The following TENM4 variants were observed in gnomAD, a reference collection of about 807,000 sequenced individuals.
TENM4 encodes the protein teneurin-4.
Under a neutral mutation model 243.3 loss-of-function variants are expected in TENM4, and 82 were observed. The observed-to-expected ratio is 0.34, with a 90% CI of 0.28 to 0.40. The LOEUF is 0.40. Ranked by LOEUF, TENM4 falls within the 10% of genes least tolerant of loss-of-function variation. The pLI, the probability that TENM4 is intolerant of heterozygous loss-of-function variation, is 1.00. For missense variants in TENM4, 3,138 were observed against 3,673.3 expected, an observed-to-expected ratio of 0.85 and a Z score of 3.77; for synonymous variants, 1,412 against 1,456.3, an observed-to-expected ratio of 0.97 and a Z score of 0.69.
chr11:78,661,503 G>T lies in TENM4; in HGVS notation c.7497C>A (p.Pro2499=). ...YPKPDMDAME[P]SYELIHTQMK... ...TCTGTGTGTGGATGAGCTCGTAGGAGGGTTCCATGGCATCCATGTCTGGTT... is the reference window on the plus strand; with the variant it reads ...TCTGTGTGTGGATGAGCTCGTAGGATGGTTCCATGGCATCCATGTCTGGTT... Residue 2499 remains proline, a synonymous_variant, in exon 33 of 34, where the codon CCC becomes CCA. Coordinates refer to ENST00000278550, the MANE Select transcript of TENM4 (RefSeq NM_001098816.3). 6.2e-7 allele frequency: 1 copy of T among 1,612,328 alleles called. No individual in the cohort carries two copies. The highest frequency in any genetic ancestry group is 1.3e-5 in the African/African-American group (1 of 75,038).
rs531572060 is a variant in TENM4 at position 79,276,550 on chromosome 11, C to T, written c.-265+20938G>A. 6.6e-5 allele frequency among the ~76,000 whole-genome samples: 10 copies of T among 152,294 alleles called. No individual in the cohort carries two copies. The South Asian group carries it at 1.2e-3, about 19-fold the overall frequency. ...CATCCGGCATGCATCTTTCTCCTAG[C>T]GCAGGCCCAGCGCCCCCTGATGCCT... On this transcript the variant is annotated intron_variant, in intron 2 of 33. Transcript: ENST00000278550.
At chr11:78,683,472 G>A (rs1858571484) in intron 29 of TENM4, among the ~76,000 whole-genome samples, 1 of 71,886 alleles carries the variant, frequency 1.4e-5, no homozygotes, top group Non-Finnish European at 2.9e-5. Flanking sequence ...GTGGGATATA[G>A]TCTCGTGGTG....
chr11:78,804,065 T>C (rs1327740175), intron 15 of TENM4, among the ~76,000 whole-genome samples: 1 of 152,200 alleles, frequency 6.6e-6, no homozygotes, highest in African/African-American at 2.4e-5. Flanking sequence ...CCATCTTTCT[T>C]GGTCACAACC....
At chr11:79,140,052 T>C (rs1353067356) in intron 4 of TENM4, among the ~76,000 whole-genome samples, 2 of 151,532 alleles carry the variant, frequency 1.3e-5, no homozygotes, top group Non-Finnish European at 2.9e-5. Context: ...GGACACTCCT[T>C]GTCAGGGCAC....
intron 9 of TENM4, among the ~76,000 whole-genome samples, chr11:78,867,803 A>G (rs1859020612): frequency 6.6e-6 from 1 of 152,234 alleles, no homozygotes. Context: ...TCAGAGAAGT[A>G]AAGTAAGTTA....
At chr11:79,414,487 A>G (rs1858771106) in intron 1 of TENM4, among the ~76,000 whole-genome samples, 2 of 152,212 alleles carry the variant, frequency 1.3e-5, no homozygotes, top group Non-Finnish European at 2.9e-5. Flanking sequence ...ATGCCTTATT[A>G]CTGCCTATGC....
At chr11:78,723,684 C>T (rs753785911) in intron 23 of TENM4, among the ~76,000 whole-genome samples, 2 of 152,228 alleles carry the variant, frequency 1.3e-5, no homozygotes, top group Non-Finnish European at 2.9e-5. Flanking sequence ...TCTGGATCTT[C>T]CTTTTTCCTC....
chr11:79,080,589 C>T (rs1860642746), intron 4 of TENM4, among the ~76,000 whole-genome samples: 1 of 152,236 alleles, frequency 6.6e-6, no homozygotes, highest in Admixed American at 6.5e-5. Context: ...GTCCCCCCTG[C>T]ACCCCTTTCT....
chr11:79,356,598 C>A (rs1435688757), intron 1 of TENM4, among the ~76,000 whole-genome samples: 1 of 152,044 alleles, frequency 6.6e-6, no homozygotes, highest in Non-Finnish European at 1.5e-5. Flanking sequence ...AATAATTAGC[C>A]CTGTAATATC....
Position 78,862,655 on chromosome 11 carries a change from A to G in TENM4, c.1255+307T>C, listed in dbSNP as rs1184840862. ...AGGTTTGCCCAGAAGAGCTCCTCTC[A>G]CCCCACACAAAGATGGCCACCCCAG... is the stretch of plus-strand genomic sequence containing the variant. On this transcript the variant is annotated intron_variant, in intron 10 of 33. Coordinates refer to ENST00000278550, the MANE Select transcript of TENM4 (RefSeq NM_001098816.3). Among the ~76,000 whole-genome samples the G allele has an allele frequency of 3.9e-5, 6 of 152,038 alleles. No individual in the cohort carries two copies. The East Asian group carries it at 9.7e-4, about 25-fold the overall frequency.
chr11:78,931,636 G>A (rs1044416701), intron 6 of TENM4, among the ~76,000 whole-genome samples: 12 of 152,152 alleles, frequency 7.9e-5, no homozygotes, highest in African/African-American at 2.2e-4. Context: ...TATTGTTTCC[G>A]TGATAGAGTA....
intron 19 of TENM4, among the ~76,000 whole-genome samples, chr11:78,753,343 G>T (rs1481435021): frequency 6.6e-6 from 1 of 152,158 alleles, no homozygotes; most frequent in Non-Finnish European, 1.5e-5. Flanking sequence ...TTTCCCTGAG[G>T]TCACACACAG....
At chr11:78,987,432 T>C (rs1359325291) in intron 6 of TENM4, among the ~76,000 whole-genome samples, 1 of 152,250 alleles carries the variant, frequency 6.6e-6, no homozygotes, top group Non-Finnish European at 1.5e-5. Flanking sequence ...TCTGTTTCTA[T>C]ACAACTTAAT....
intron 3 of TENM4, among the ~76,000 whole-genome samples, chr11:79,192,347 T>C (rs368692190): frequency 3.9e-5 from 6 of 152,210 alleles, no homozygotes; most frequent in African/African-American, 7.2e-5. Flanking sequence ...GGGGAAAAGA[T>C]TGAGAAATCG....
At chr11:78,745,221 CTTTT>C (rs1247984607) in intron 19 of TENM4, among the ~76,000 whole-genome samples, 42 of 139,136 alleles carry the variant, frequency 3.0e-4, no homozygotes, top group Admixed American at 4.1e-4. Flanking sequence ...TCTTTTTTTT[CTTTT>C]TCTTTTTTTT....
intron 1 of TENM4, among the ~76,000 whole-genome samples, chr11:79,400,822 T>G (rs1276304451): frequency 6.6e-6 from 1 of 152,198 alleles, no homozygotes; most frequent in Non-Finnish European, 1.5e-5. Context: ...CCCACAGACA[T>G]TGCAGTTTGC....
At chr11:78,824,647 G>A (rs1857811997) in intron 12 of TENM4, among the ~76,000 whole-genome samples, 1 of 151,818 alleles carries the variant, frequency 6.6e-6, no homozygotes, top group East Asian at 2.0e-4. Context: ...GACTACAGGC[G>A]CACACCACCA....
At chr11:79,336,250 C>T (rs1235349100) in intron 1 of TENM4, among the ~76,000 whole-genome samples, 15 of 152,198 alleles carry the variant, frequency 9.9e-5, no homozygotes, top group African/African-American at 2.9e-4. Flanking sequence ...GTCAGGGCAT[C>T]CGATTCCACA....
chr11:78,734,085 G>A (rs1855733910), intron 20 of TENM4, among the ~76,000 whole-genome samples: 2 of 152,092 alleles, frequency 1.3e-5, no homozygotes, highest in Admixed American at 6.5e-5. Flanking sequence ...CCAGCTACTT[G>A]GGAGGCTGAG....
Sources: gnomAD v4.1 joint callset for allele counts (sites outside exome capture counted in the v4.1 genomes callset) on GRCh38, gnomAD v4.1.1 for gene constraint, MANE v1.5 for transcripts, NCBI Gene and HGNC (gene_info 2026-07-23, HGNC 2026-07-21) for gene names.